The following KCNQ1 variants were observed in gnomAD, a reference collection of about 807,000 sequenced individuals.
KCNQ1 encodes the protein potassium voltage-gated channel subfamily KQT member 1.
KCNQ1 carries 49 observed loss-of-function variants against 72.4 expected under a neutral mutation model. That is an observed-to-expected ratio of 0.68 (90% CI 0.54 to 0.86). The LOEUF (loss-of-function observed/expected upper bound fraction) is 0.86. Among genes scored for constraint, KCNQ1 ranks in the 40% least tolerant of loss-of-function variants. The pLI is 0.00. For synonymous variants in KCNQ1, 450 were observed against 412.6 expected (o/e 1.09, Z -1.10); for missense variants, 790 against 945.1 (o/e 0.84, Z 2.15).
chr11:2,697,407 C>T, intron 11 of KCNQ1: 1 of 398,540 alleles, frequency 2.5e-6, no homozygotes, highest in South Asian at 1.3e-4. Flanking sequence ...AGGGTATGGC[C>T]AGGATGACAT....
intron 2 of KCNQ1, among the ~76,000 whole-genome samples, chr11:2,568,385 G>A (rs73404673): frequency 0.075 from 11,458 of 152,276 alleles, 1,135 homozygotes; most frequent in African/African-American, 0.23. Flanking sequence ...GCTGGGAGCC[G>A]CTATGCCTCC....
chr11:2,610,716 C>CTTTTTTTTTTTT (rs1167505141), intron 10 of KCNQ1: 51 of 230,106 alleles, frequency 2.2e-4, no homozygotes, highest in East Asian at 1.3e-3. Context: ...TCTTGGTTGG[C>CTTTTTTTTTTTT]TTTTTTTTTT....
Position 2,447,920 on chromosome 11 carries a change from C to G in KCNQ1, c.386+2436C>G, listed in dbSNP as rs1289025880. 6.6e-6 allele frequency among the ~76,000 whole-genome samples: 1 copy of G among 152,334 alleles called. No homozygotes were observed. Among genetic ancestry groups the G allele is most frequent in the Non-Finnish European group, 1.5e-5 (1 of 68,000 alleles). On this transcript the variant is annotated intron_variant, in intron 1 of 15. Transcript: ENST00000155840. The surrounding 1 kb of genome is among the most constrained non-coding windows in gnomAD (Gnocchi z 7.6). ...CCTGTCCCCTCCTCGGGGAACCCCC[C>G]CTCCCCAGGAGAGCAGCTCTTCCTG... is the stretch of plus-strand genomic sequence containing the variant.
chr11:2,448,350 G>T (rs1331507837), intron 1 of KCNQ1, among the ~76,000 whole-genome samples: 1 of 152,238 alleles, frequency 6.6e-6, no homozygotes, highest in East Asian at 1.9e-4. Context: ...TGTTTCCCAA[G>T]AACTTTCCAG....
Position 2,537,967 on chromosome 11 carries a change from C to T in KCNQ1, c.477+9949C>T, listed in dbSNP as rs867175045. On this transcript the variant is annotated intron_variant, in intron 2 of 15. Transcript: ENST00000155840. The surrounding 1 kb of genome is among the most constrained non-coding windows in gnomAD (Gnocchi z 5.2). ...CTGAGTTCAAACAATCCTCCCACCT[C>T]GGCCAACCCAAAGTGCTGAGATTAT... Among the ~76,000 whole-genome samples the T allele has an allele frequency of 5.3e-5, 8 of 152,192 alleles. No homozygotes were observed. Among genetic ancestry groups the T allele is most frequent in the Admixed American group, 3.9e-4 (6 of 15,276 alleles).
Position 2,824,641 on chromosome 11 carries a change from A to G in KCNQ1, c.1795-23126A>G, listed in dbSNP as rs1714068408. Among the ~76,000 whole-genome samples, 1 of 151,860 alleles carries G rather than the reference A, an allele frequency of 6.6e-6. No homozygotes were observed. Among genetic ancestry groups the G allele is most frequent in the Non-Finnish European group, 1.5e-5 (1 of 67,962 alleles). On this transcript the variant is annotated intron_variant, in intron 15 of 15. Transcript: ENST00000155840. This position sits in a 1 kb window ranked among gnomAD's most constrained non-coding sequence, Gnocchi z 5.9. ...TGGCAAGAGATTGCAGGGAGAGGAG[A>G]GAGTGAGAATGGGGCCACTCAAGGG... is the stretch of plus-strand genomic sequence containing the variant.
chr11:2,702,311 C>T (rs1001842981), intron 11 of KCNQ1, among the ~76,000 whole-genome samples: 1 of 152,192 alleles, frequency 6.6e-6, no homozygotes, highest in Non-Finnish European at 1.5e-5. Context: ...GAGGAGGTAG[C>T]CTGGTGGACT....
intron 6 of KCNQ1, among the ~76,000 whole-genome samples, chr11:2,576,965 C>T (rs148872350): frequency 8.5e-5 from 13 of 152,294 alleles, no homozygotes; most frequent in Middle Eastern, 3.4e-3. Flanking sequence ...AGGCAGAGTA[C>T]GCACCTGCTG....
Position 2,650,551 on chromosome 11 carries a change from G to C in KCNQ1, c.1394-11410G>C, listed in dbSNP as rs1013646555. 10 of 398,530 alleles carry C rather than the reference G, an allele frequency of 2.5e-5. No homozygotes were observed. The East Asian group carries it at 3.2e-4, about 13-fold the overall frequency. The allele number at this position is 398,530 out of a possible 1,614,324, so 24.7% of individuals were successfully genotyped here. ...AGTGGTATCTGCAAGTTCATCAGTG[G>C]CTTAGGCTGCTTGGTGCTTAGGATG... is the stretch of plus-strand genomic sequence containing the variant. On this transcript the variant is annotated intron_variant, in intron 10 of 15. Transcript: ENST00000155840.
chr11:2,591,318 C>A (rs1848667098), intron 10 of KCNQ1, among the ~76,000 whole-genome samples: 1 of 152,218 alleles, frequency 6.6e-6, no homozygotes, highest in Non-Finnish European at 1.5e-5. Flanking sequence ...GCAGGCAAGA[C>A]CAAGTCCAGG....
chr11:2,456,216 T>G (rs1846189025), intron 1 of KCNQ1, among the ~76,000 whole-genome samples: 1 of 151,750 alleles, frequency 6.6e-6, no homozygotes, highest in Non-Finnish European at 1.5e-5. Context: ...TACGCACCTG[T>G]GGTCCCAGCT....
At chr11:2,461,260 C>T (rs1027772760) in intron 1 of KCNQ1, among the ~76,000 whole-genome samples, 1 of 152,206 alleles carries the variant, frequency 6.6e-6, no homozygotes, top group African/African-American at 2.4e-5. Flanking sequence ...CCATCTGATG[C>T]CCCCCTTTTC....
chr11:2,606,359 G>T (rs1271788980), intron 10 of KCNQ1, among the ~76,000 whole-genome samples: 1 of 152,162 alleles, frequency 6.6e-6, no homozygotes, highest in Non-Finnish European at 1.5e-5. Context: ...AATGTTGGAG[G>T]TGGGGTCTGG....
intron 10 of KCNQ1, chr11:2,614,427 T>G (rs1849028098): frequency 2.5e-6 from 1 of 398,402 alleles, no homozygotes; most frequent in Non-Finnish European, 4.4e-6. Context: ...CAATATTGTG[T>G]TTTTTGTGTC....
At chr11:2,634,054 T>G in intron 10 of KCNQ1, 1 of 398,602 alleles carries the variant, frequency 2.5e-6, no homozygotes, top group Admixed American at 4.4e-5. Flanking sequence ...TCAGTATTGT[T>G]TGTCCTATTT....
chr11:2,808,197 T>A lies in KCNQ1; in HGVS notation c.1794+30160T>A, dbSNP rs1238331334. On this transcript the variant is annotated intron_variant, in intron 15 of 15. Coordinates refer to ENST00000155840, the MANE Select transcript of KCNQ1 (RefSeq NM_000218.3). This position sits in a 1 kb window ranked among gnomAD's most constrained non-coding sequence, Gnocchi z 6.0. ...GATCTGATGCCATCTGCCCAGGGCA[T>A]TGAGGGTGAACCCATCCAGGCTGGC... Among the ~76,000 whole-genome samples, 1 of 152,196 alleles carries A rather than the reference T, an allele frequency of 6.6e-6. No individual in the cohort carries two copies. Among genetic ancestry groups the A allele is most frequent in the Non-Finnish European group, 1.5e-5 (1 of 68,036 alleles).
intron 15 of KCNQ1, among the ~76,000 whole-genome samples, chr11:2,807,519 T>C (rs966881395): frequency 2.0e-5 from 3 of 152,194 alleles, no homozygotes; most frequent in Non-Finnish European, 2.9e-5. Flanking sequence ...CTGAAAAATA[T>C]GCTTTTGTTT....
At chr11:2,453,124 AGCACTTTGGG>A (rs1846138396) in intron 1 of KCNQ1, among the ~76,000 whole-genome samples, 1 of 152,264 alleles carries the variant, frequency 6.6e-6, no homozygotes, top group Non-Finnish European at 1.5e-5. Flanking sequence ...CTGTAATCCC[AGCACTTTGGG>A]AGGCCAAGGC....
chr11:2,580,771 A>G (rs902403687), intron 6 of KCNQ1, among the ~76,000 whole-genome samples: 1 of 151,968 alleles, frequency 6.6e-6, no homozygotes, highest in Non-Finnish European at 1.5e-5. Context: ...ACACCCCACC[A>G]CCCCTGCTTT....
Sources: allele counts gnomAD v4.1 joint callset (sites outside exome capture counted in the v4.1 genomes callset), GRCh38; gene constraint gnomAD v4.1.1; non-coding constraint Gnocchi (gnomAD v3.1); transcripts MANE v1.5; gene names NCBI Gene and HGNC (gene_info 2026-07-23, HGNC 2026-07-21).